The following ZFPM1 variants were observed in gnomAD, a reference collection of about 807,000 sequenced individuals.
ZFPM1 encodes the protein zinc finger protein ZFPM1.
In ZFPM1, 28 loss-of-function variants were observed where a neutral mutation model predicts 46.3. The observed-to-expected ratio is 0.60, with a 90% CI of 0.45 to 0.83. ZFPM1 has a LOEUF of 0.83. Ranked by LOEUF, ZFPM1 falls within the 40% of genes least tolerant of loss-of-function variation. The probability of loss-of-function intolerance (pLI) is 0.00; values close to 1 mark genes in which losing one functional copy is unlikely to be tolerated. For missense variants in ZFPM1, 1,878 were observed against 1,432.4 expected (o/e 1.31, Z -5.02); for synonymous variants, 957 against 675.9 (o/e 1.42, Z -6.45).
intron 3 of ZFPM1, among the ~76,000 whole-genome samples, chr16:88,501,079 C>CG (rs71158732): frequency 7.9e-6 from 1 of 127,360 alleles, no homozygotes; most frequent in Non-Finnish European, 1.7e-5. Context: ...GTCATGGATG[C>CG]GGGGGCCCTC....
chr16:88,455,287 C>T (rs1009273100), intron 1 of ZFPM1, among the ~76,000 whole-genome samples: 1 of 152,176 alleles, frequency 6.6e-6, no homozygotes, highest in African/African-American at 2.4e-5. Flanking sequence ...TAGCCCAGCC[C>T]AGCGGGGCGG....
chr16:88,533,605 G>C lies in ZFPM1; in HGVS notation c.1647G>C (p.Leu549=), dbSNP rs769329628. 1 of 1,489,602 alleles carries C rather than the reference G, an allele frequency of 6.7e-7. No homozygotes were observed. The allele number at this position is 1,489,602 out of a possible 1,614,324, so 92.3% of individuals were successfully genotyped here. A position where few individuals can be genotyped will look rare whatever the true frequency, so the allele number is the denominator to read the frequency against. Residue 549 remains leucine, a synonymous_variant, in exon 10 of 10, where the codon CTG becomes CTC. Coordinates refer to ENST00000319555, the MANE Select transcript of ZFPM1 (RefSeq NM_153813.3). ...AGATCCTGGCCAAGATGTCCGAGCTGGTGCACAGCCGGCTGCAGCAGGGCG... is the reference window on the plus strand; with the variant it reads ...AGATCCTGGCCAAGATGTCCGAGCTCGTGCACAGCCGGCTGCAGCAGGGCG... ...ASEILAKMSE[L]VHSRLQQGAG...
Position 88,453,552 on chromosome 16 carries a change from C to T in ZFPM1, c.-87C>T. The T allele has an allele frequency of 3.0e-6, 2 of 675,034 alleles. No individual in the cohort carries two copies. Among genetic ancestry groups the T allele is most frequent in the Non-Finnish European group, 3.6e-6 (2 of 549,546 alleles). 41.8% of individuals were successfully genotyped at this position (675,034 alleles called of 1,614,324 possible). A position where few individuals can be genotyped will look rare whatever the true frequency, so the allele number is the denominator to read the frequency against. ...GACCGGGGGCCGGGGGCATGAGCGG[C>T]CCCGCGGCCCCGCCGCGCCCCCGCC... On this transcript the variant is annotated 5_prime_UTR_variant, in exon 1 of 10. Coordinates refer to ENST00000319555, the MANE Select transcript of ZFPM1 (RefSeq NM_153813.3).
chr16:88,461,826 C>A (rs1907905795), intron 1 of ZFPM1, among the ~76,000 whole-genome samples: 1 of 152,198 alleles, frequency 6.6e-6, no homozygotes, highest in African/African-American at 2.4e-5. Context: ...AGATCTGACC[C>A]ACTGCTAAGA....
chr16:88,472,267 C>G (rs1385582280), intron 1 of ZFPM1, among the ~76,000 whole-genome samples: 1 of 152,150 alleles, frequency 6.6e-6, no homozygotes, highest in Non-Finnish European at 1.5e-5. Context: ...GCGCCTCGGT[C>G]CCAGGAGAAA....
chr16:88,518,178 C>G (rs1284962774), intron 4 of ZFPM1, among the ~76,000 whole-genome samples: 2 of 149,944 alleles, frequency 1.3e-5, no homozygotes, highest in African/African-American at 4.9e-5. Flanking sequence ...GCACTCCAGC[C>G]TAGGCGACAG....
Position 88,534,117 on chromosome 16 carries a change from C to T in ZFPM1, c.2159C>T (p.Pro720Leu), listed in dbSNP as rs1294719879. ...CCGCCGCCGCGCCGACCGGCCGCGCCCCCGGGACCCCCTGGGCCGGCCGCG... is the reference window on the plus strand; with the variant it reads ...CCGCCGCCGCGCCGACCGGCCGCGCTCCCGGGACCCCCTGGGCCGGCCGCG... ...HDPPPRRPAA[P>L]PGPPGPAAPP... The change falls in exon 10 of 10, where the codon CCC becomes CTC. Residue 720 changes from proline (P) to leucine (L), a missense_variant. Pro to Leu is a moderately conservative substitution (Grantham distance 98). Coordinates refer to ENST00000319555, the MANE Select transcript of ZFPM1 (RefSeq NM_153813.3). 4 of 1,115,944 alleles carry T rather than the reference C, an allele frequency of 3.6e-6. No homozygotes were observed. Among genetic ancestry groups the T allele is most frequent in the Non-Finnish European group, 4.5e-6 (4 of 893,830 alleles). The allele number at this position is 1,115,944 out of a possible 1,614,324, so 69.1% of individuals were successfully genotyped here. A position where few individuals can be genotyped will look rare whatever the true frequency, so the allele number is the denominator to read the frequency against.
At position 88,536,348 on chromosome 16, in the gene ZFPM1, C is replaced by T. The variant is rs1184804282; in HGVS notation, c.*1369C>T. On this transcript the variant is annotated 3_prime_UTR_variant, in exon 10 of 10. Transcript: ENST00000319555. ...CACCACACCTGGCTAACTTTTAAAACATTTTTATAGAGACAGGGTCTTCCT... is the reference window on the plus strand; with the variant it reads ...CACCACACCTGGCTAACTTTTAAAATATTTTTATAGAGACAGGGTCTTCCT... 1 of 152,126 alleles carries T rather than the reference C, an allele frequency of 6.6e-6. No individual in the cohort carries two copies. The highest frequency in any genetic ancestry group is 1.5e-5 in the Non-Finnish European group (1 of 68,042). 9.4% of individuals were successfully genotyped at this position (152,126 alleles called of 1,614,324 possible). A position where few individuals can be genotyped will look rare whatever the true frequency, so the allele number is the denominator to read the frequency against.
chr16:88,526,331 G>A (rs1912317742), intron 4 of ZFPM1, among the ~76,000 whole-genome samples: 1 of 152,218 alleles, frequency 6.6e-6, no homozygotes, highest in African/African-American at 2.4e-5. Flanking sequence ...AGCCCACAGA[G>A]GTCATTCTGG....
intron 1 of ZFPM1, among the ~76,000 whole-genome samples, chr16:88,483,450 G>T (rs1339458808): frequency 6.6e-6 from 1 of 152,168 alleles, no homozygotes; most frequent in East Asian, 1.9e-4. Context: ...CCGCCCCAGG[G>T]CCTTTGCACA....
At chr16:88,529,735 TGAC>T (rs1260403572) in intron 6 of ZFPM1, among the ~76,000 whole-genome samples, 2 of 152,060 alleles carry the variant, frequency 1.3e-5, no homozygotes, top group African/African-American at 4.8e-5. Flanking sequence ...AGCAGAGAAA[TGAC>T]TACTGGTCCT....
intron 4 of ZFPM1, among the ~76,000 whole-genome samples, chr16:88,520,633 G>GA (rs1911783794): frequency 1.6e-5 from 2 of 123,466 alleles, no homozygotes; most frequent in South Asian, 3.1e-4. Flanking sequence ...TGGGTGGATG[G>GA]TGGATAGATG....
rs1191491265 is a variant in ZFPM1, at chr16:88,480,902, G to A, written c.41-5037G>A. ...AGCCCCCCAGCGCCTCGCCATCAAA[G>A]CCGGGAGGGGCCACCTTAATCGTCG... is the stretch of plus-strand genomic sequence containing the variant. On this transcript the variant is annotated intron_variant, in intron 1 of 9. Transcript: ENST00000319555. This position sits in a 1 kb window ranked among gnomAD's most constrained non-coding sequence, Gnocchi z 4.9. 6.6e-6 allele frequency among the ~76,000 whole-genome samples: 1 copy of A among 152,250 alleles called. No individual in the cohort carries two copies. The highest frequency in any genetic ancestry group is 1.5e-5 in the Non-Finnish European group (1 of 68,050).
At chr16:88,452,011 G>A (rs910677010), upstream of ZFPM1, among the ~76,000 whole-genome samples, 8 of 152,196 alleles carry the variant, frequency 5.3e-5, no homozygotes, top group Admixed American at 2.6e-4. Context: ...TGGGGTCTTA[G>A]GAGCTCCCAG....
chr16:88,497,065 C>G lies in ZFPM1; in HGVS notation c.268+7912C>G, dbSNP rs1451394021. The stretch of plus-strand genomic sequence containing the variant: ...CGTAAGTGCCTCAGGACCTGGAGCT[C>G]TCCCAGGACCACTATGGACAAGGTG... On this transcript the variant is annotated intron_variant, in intron 3 of 9. Coordinates refer to ENST00000319555, the MANE Select transcript of ZFPM1 (RefSeq NM_153813.3). The surrounding 1 kb of genome is among the most constrained non-coding windows in gnomAD (Gnocchi z 5.4). 2.0e-5 allele frequency among the ~76,000 whole-genome samples: 3 copies of G among 152,242 alleles called. No individual in the cohort carries two copies. Among genetic ancestry groups the G allele is most frequent in the African/African-American group, 7.2e-5 (3 of 41,452 alleles).
intron 4 of ZFPM1, among the ~76,000 whole-genome samples, chr16:88,515,218 C>T (rs921061442): frequency 2.4e-4 from 36 of 152,328 alleles, no homozygotes; most frequent in African/African-American, 8.2e-4. Flanking sequence ...GCATCATGGG[C>T]GGCATAGGGT....
At chr16:88,504,858 T>TGG (rs1320830530) in intron 3 of ZFPM1, among the ~76,000 whole-genome samples, 1 of 152,074 alleles carries the variant, frequency 6.6e-6, no homozygotes, top group Non-Finnish European at 1.5e-5. Flanking sequence ...GCCAGGGCCT[T>TGG]GCCCTTTCCC....
In ZFPM1 at chr16:88,516,003, C is replaced by G. The variant is rs543031159; in HGVS notation, c.402+1483C>G. On this transcript the variant is annotated intron_variant, in intron 4 of 9. Transcript: ENST00000319555. ...ATAGGTAGAGACCAAGGGCAAAGAC[C>G]GTAGGGGCTGAGATTGGAGGGCTCT... is the stretch of plus-strand genomic sequence containing the variant. The G allele has an allele frequency of 1.8e-4, 70 of 397,172 alleles. 1 individual carries two copies. The highest frequency in any genetic ancestry group is 1.3e-4 in the Admixed American group (3 of 22,710). The allele number at this position is 397,172 out of a possible 1,614,324, so 24.6% of individuals were successfully genotyped here.
At chr16:88,520,238 G>A (rs1226355762) in intron 4 of ZFPM1, among the ~76,000 whole-genome samples, 1 of 151,114 alleles carries the variant, frequency 6.6e-6, no homozygotes, top group Non-Finnish European at 1.5e-5. Context: ...ATGGATTGAC[G>A]GCTGGGTGGA....
Sources: allele counts gnomAD v4.1 joint callset (sites outside exome capture counted in the v4.1 genomes callset), GRCh38; gene constraint gnomAD v4.1.1; non-coding constraint Gnocchi (gnomAD v3.1); transcripts MANE v1.5; gene names NCBI Gene and HGNC (gene_info 2026-07-23, HGNC 2026-07-21).